Variants in NALF1 observed in about 807,000 individuals in gnomAD.
The protein encoded by NALF1 is family with sequence similarity 155 member A.
Under a neutral mutation model 48.4 loss-of-function variants are expected in NALF1, and 3 were observed. The observed-to-expected ratio is 0.06, with a 90% CI of 0.03 to 0.16. The LOEUF is 0.16. Among genes scored for constraint, NALF1 ranks in the 10% least tolerant of loss-of-function variants. The pLI, the probability that NALF1 is intolerant of heterozygous loss-of-function variation, is 1.00. For synonymous variants in NALF1, 262 were observed against 245.7 expected, an observed-to-expected ratio of 1.07 and a Z score of -0.62; for missense variants, 526 against 571.5, an observed-to-expected ratio of 0.92 and a Z score of 0.81.
chr13:107,866,007 C>G lies in NALF1; in HGVS notation c.590G>C (p.Arg197Pro), dbSNP rs757208205. 1.2e-6 allele frequency: 2 copies of G among 1,612,172 alleles called. No homozygotes were observed. Among genetic ancestry groups the G allele is most frequent in the Non-Finnish European group, 8.5e-7 (1 of 1,179,946 alleles). ...CTGCCCGTCCCCCCCGGCCGCCCCC[C>G]GACTCCAGTTCCTGGCGCACACCGC... is the stretch of plus-strand genomic sequence containing the variant. ...ADAVCARNWS[R>P]GAAGGDGQEV... The change falls in exon 1 of 3, where the codon CGG (arginine) becomes CCG (proline). Residue 197 changes from arginine (R) to proline (P), a missense_variant. Arg to Pro is a moderately radical substitution (Grantham distance 103). Transcript: ENST00000375915. This position sits in a 1 kb window ranked among gnomAD's most constrained non-coding sequence, Gnocchi z 4.4.
intron 1 of NALF1, among the ~76,000 whole-genome samples, chr13:107,240,663 T>C (rs1174726568): frequency 6.6e-6 from 1 of 152,168 alleles, no homozygotes; most frequent in Non-Finnish European, 1.5e-5. Context: ...TGAAACTCTG[T>C]AGTATATTGT....
chr13:107,615,564 C>A (rs936292534), intron 1 of NALF1, among the ~76,000 whole-genome samples: 1 of 152,168 alleles, frequency 6.6e-6, no homozygotes, highest in African/African-American at 2.4e-5. Context: ...GCCTTCAGAG[C>A]GAGGTCATAA....
At chr13:107,225,529 A>G (rs1880084048) in intron 1 of NALF1, among the ~76,000 whole-genome samples, 1 of 151,724 alleles carries the variant, frequency 6.6e-6, no homozygotes, top group African/African-American at 2.4e-5. Flanking sequence ...CTCCTGCATC[A>G]GCTTCCCAAA....
intron 2 of NALF1, among the ~76,000 whole-genome samples, chr13:107,175,255 G>T (rs1283506223): frequency 1.3e-5 from 2 of 148,888 alleles, no homozygotes; most frequent in African/African-American, 5.0e-5. Context: ...CCCAGTCTCT[G>T]GGATGGGAGT....
At chr13:107,848,784 T>C (rs1053535089) in intron 1 of NALF1, among the ~76,000 whole-genome samples, 6 of 152,224 alleles carry the variant, frequency 3.9e-5, no homozygotes, top group African/African-American at 1.4e-4. Context: ...GTCTGACCTG[T>C]CATATTTGAT....
chr13:107,301,430 T>G (rs1405948590), intron 1 of NALF1, among the ~76,000 whole-genome samples: 1 of 152,168 alleles, frequency 6.6e-6, no homozygotes, highest in Non-Finnish European at 1.5e-5. Flanking sequence ...TAACATAAAG[T>G]AGTAGCCTCC....
intron 1 of NALF1, among the ~76,000 whole-genome samples, chr13:107,852,924 G>A (rs557997679): frequency 4.6e-5 from 7 of 152,142 alleles, no homozygotes; most frequent in African/African-American, 9.6e-5. Flanking sequence ...ATCATTTTGC[G>A]GTTTTCCTGG....
intron 1 of NALF1, among the ~76,000 whole-genome samples, chr13:107,722,949 T>A (rs776105163): frequency 1.3e-5 from 2 of 152,206 alleles, no homozygotes; most frequent in Non-Finnish European, 2.9e-5. Flanking sequence ...GAAGCTATCA[T>A]GACTATTACA....
intron 1 of NALF1, among the ~76,000 whole-genome samples, chr13:107,604,013 T>G (rs974422330): frequency 2.6e-5 from 4 of 152,150 alleles, no homozygotes; most frequent in African/African-American, 9.7e-5. Flanking sequence ...CAATTTCGGA[T>G]CTTCCAGAAA....
At chr13:107,288,321 G>A (rs200074872) in intron 1 of NALF1, among the ~76,000 whole-genome samples, 6,213 of 137,974 alleles carry the variant, frequency 0.045, no homozygotes, top group African/African-American at 0.086. Context: ...CCGGGTTCAC[G>A]CCATTCTCCT....
intron 1 of NALF1, among the ~76,000 whole-genome samples, chr13:107,221,485 C>T (rs995162780): frequency 3.9e-5 from 6 of 152,056 alleles, no homozygotes; most frequent in African/African-American, 1.4e-4. Context: ...GAGGCTGAGG[C>T]AGGAGAATCA....
At chr13:107,250,272 C>T (rs7984433) in intron 1 of NALF1, among the ~76,000 whole-genome samples, 18,774 of 151,906 alleles carry the variant, frequency 0.12, 1,440 homozygotes, top group East Asian at 0.34. Flanking sequence ...AACAAAAATA[C>T]CATAGGAAAA....
intron 1 of NALF1, among the ~76,000 whole-genome samples, chr13:107,717,225 C>T (rs1489206680): frequency 6.6e-6 from 1 of 152,206 alleles, no homozygotes; most frequent in Non-Finnish European, 1.5e-5. Flanking sequence ...TTCTAGCTGA[C>T]AAACATTTCA....
At chr13:107,434,979 G>T (rs185236339) in intron 1 of NALF1, among the ~76,000 whole-genome samples, 2 of 152,132 alleles carry the variant, frequency 1.3e-5, no homozygotes, top group East Asian at 3.9e-4. Flanking sequence ...CCTCAAAATG[G>T]TCATATTCAC....
intron 1 of NALF1, among the ~76,000 whole-genome samples, chr13:107,348,365 A>T (rs1393802312): frequency 6.6e-6 from 1 of 152,206 alleles, no homozygotes; most frequent in Non-Finnish European, 1.5e-5. Flanking sequence ...GCACTTTAAC[A>T]AATAGCAATA....
intron 1 of NALF1, among the ~76,000 whole-genome samples, chr13:107,607,309 T>C (rs967063493): frequency 2.0e-5 from 3 of 151,940 alleles, no homozygotes; most frequent in African/African-American, 7.3e-5. Context: ...ATTAAATAAA[T>C]GAAAGATTAT....
At chr13:107,693,341 A>G (rs7328331) in intron 1 of NALF1, among the ~76,000 whole-genome samples, 22,197 of 99,810 alleles carry the variant, frequency 0.22, 1,950 homozygotes, top group East Asian at 0.33. Flanking sequence ...GGGGGGCGGG[A>G]GGGATAGCAT....
intron 1 of NALF1, among the ~76,000 whole-genome samples, chr13:107,504,854 C>T (rs1047202720): frequency 1.3e-5 from 2 of 152,124 alleles, no homozygotes; most frequent in Non-Finnish European, 1.5e-5. Context: ...CTCATGTCTC[C>T]TTAAATTCTC....
intron 1 of NALF1, among the ~76,000 whole-genome samples, chr13:107,659,207 G>A (rs896590411): frequency 2.6e-5 from 4 of 151,536 alleles, no homozygotes; most frequent in African/African-American, 4.9e-5. Flanking sequence ...GAAGTGTCAC[G>A]TTCCCCTGGG....
Sources: allele counts gnomAD v4.1 joint callset (sites outside exome capture counted in the v4.1 genomes callset), GRCh38; gene constraint gnomAD v4.1.1; non-coding constraint Gnocchi (gnomAD v3.1); transcripts MANE v1.5; gene names NCBI Gene and HGNC (gene_info 2026-07-23, HGNC 2026-07-21).